Variants in GALNT17 observed in about 807,000 individuals in gnomAD.
GALNT17 encodes polypeptide N-acetylgalactosaminyltransferase 17, also known as UDP-GalNAc:polypeptide N-acetylgalactosaminyltransferase-like 3.
Under a neutral mutation model 63.7 loss-of-function variants are expected in GALNT17, and 29 were observed. That is an observed-to-expected ratio of 0.46 (90% confidence interval 0.34 to 0.62). GALNT17 has a LOEUF of 0.62. Ranked by LOEUF, GALNT17 falls within the 20% of genes least tolerant of loss-of-function variation. The pLI is 0.01. For missense variants in GALNT17, 603 were observed against 799.6 expected (o/e 0.75, Z 2.97); for synonymous variants, 305 against 318.3 (o/e 0.96, Z 0.45).
intron 1 of GALNT17, among the ~76,000 whole-genome samples, chr7:71,202,872 G>A (rs1384196591): frequency 6.6e-6 from 1 of 152,148 alleles, no homozygotes; most frequent in Non-Finnish European, 1.5e-5. Context: ...CGCAGTATTT[G>A]ACTTTCTGTA....
At chr7:71,206,933 G>A (rs980801711) in intron 1 of GALNT17, among the ~76,000 whole-genome samples, 1 of 151,900 alleles carries the variant, frequency 6.6e-6, no homozygotes, top group Non-Finnish European at 1.5e-5. Flanking sequence ...GTGAAACCCC[G>A]TCTTTACTAA....
chr7:71,347,311 G>C (rs772986483), intron 2 of GALNT17, among the ~76,000 whole-genome samples: 65 of 152,306 alleles, frequency 4.3e-4, no homozygotes, highest in Non-Finnish European at 7.4e-4. Context: ...CCTTGGGCAA[G>C]TTGCTTAACC....
chr7:71,462,794 G>A (rs1403128559), intron 5 of GALNT17, among the ~76,000 whole-genome samples: 1 of 152,192 alleles, frequency 6.6e-6, no homozygotes, highest in Non-Finnish European at 1.5e-5. Flanking sequence ...TCAGTGAGCA[G>A]AGAGATAACT....
chr7:71,313,709 TATTG>T (rs1791451994), intron 1 of GALNT17, among the ~76,000 whole-genome samples: 1 of 152,164 alleles, frequency 6.6e-6, no homozygotes. Flanking sequence ...ACAGAATGTG[TATTG>T]ATTGACTCAG....
At chr7:71,486,866 A>C (rs1261653785) in intron 5 of GALNT17, among the ~76,000 whole-genome samples, 7 of 151,690 alleles carry the variant, frequency 4.6e-5, no homozygotes, top group Admixed American at 4.6e-4. Context: ...CTGTCCAAAA[A>C]AAAAAAACAA....
At chr7:71,546,528 A>G (rs1026465065) in intron 5 of GALNT17, among the ~76,000 whole-genome samples, 3 of 152,148 alleles carry the variant, frequency 2.0e-5, no homozygotes, top group African/African-American at 4.8e-5. Flanking sequence ...TTATGATTAG[A>G]GTAGATTTTC....
rs141893603 is a variant in GALNT17 at position 71,453,424 on chromosome 7, C to T, written c.962+32319C>T. On this transcript the variant is annotated intron_variant, in intron 5 of 10. Transcript: ENST00000333538. Reference sequence around the variant, plus strand: ...CAATCATGGTGGAAGGGGAAAGGCACGTCTAACGTGGTGGTAGGCCAGAAA... The same window carrying T: ...CAATCATGGTGGAAGGGGAAAGGCATGTCTAACGTGGTGGTAGGCCAGAAA... Among the ~76,000 whole-genome samples the T allele has an allele frequency of 1.0e-3, 156 of 152,212 alleles. 1 individual carries two copies. The highest frequency in any genetic ancestry group is 3.4e-3 in the African/African-American group (143 of 41,554).
intron 5 of GALNT17, among the ~76,000 whole-genome samples, chr7:71,504,290 G>C (rs577486593): frequency 9.2e-5 from 14 of 152,066 alleles, no homozygotes; most frequent in African/African-American, 3.1e-4. Flanking sequence ...CTACTCTCGG[G>C]AGGCTGAGGC....
chr7:71,499,031 G>A (rs966536900), intron 5 of GALNT17, among the ~76,000 whole-genome samples: 1 of 152,168 alleles, frequency 6.6e-6, no homozygotes, highest in Non-Finnish European at 1.5e-5. Context: ...GGAATATTTT[G>A]TGAATCTCCA....
chr7:71,694,806 A>C (rs546179585), intron 9 of GALNT17, among the ~76,000 whole-genome samples: 1 of 152,316 alleles, frequency 6.6e-6, no homozygotes, highest in South Asian at 2.1e-4. Context: ...AGCAGGCCCC[A>C]GAGTCCAAGT....
chr7:71,605,778 C>T (rs1407833545), intron 6 of GALNT17, among the ~76,000 whole-genome samples: 1 of 152,122 alleles, frequency 6.6e-6, no homozygotes, highest in Non-Finnish European at 1.5e-5. Context: ...AGAGAGAATA[C>T]ATAGGAAACA....
At chr7:71,414,985 TTTTTTTTTTAAATGCC>T (rs1356115350) in intron 3 of GALNT17, among the ~76,000 whole-genome samples, 3 of 120,692 alleles carry the variant, frequency 2.5e-5, no homozygotes, top group Non-Finnish European at 4.9e-5. Flanking sequence ...AAGTATCACT[TTTTTTTTTTAAATGCC>T]TTTAGTTTTA....
At chr7:71,493,693 A>G (rs142746990) in intron 5 of GALNT17, among the ~76,000 whole-genome samples, 162 of 152,254 alleles carry the variant, frequency 1.1e-3, no homozygotes, top group African/African-American at 3.8e-3. Flanking sequence ...GAATGATGGG[A>G]GCTTCAATTC....
At chr7:71,442,667 C>T (rs1050730669) in intron 5 of GALNT17, among the ~76,000 whole-genome samples, 3 of 152,148 alleles carry the variant, frequency 2.0e-5, no homozygotes, top group Non-Finnish European at 2.9e-5. Flanking sequence ...CATTTTCTTC[C>T]GGAAGTGTAG....
chr7:71,140,905 C>T (rs1787876335), intron 1 of GALNT17, among the ~76,000 whole-genome samples: 1 of 152,076 alleles, frequency 6.6e-6, no homozygotes, highest in Admixed American at 6.6e-5. Flanking sequence ...CCCATGGTCC[C>T]AGCTACTCGA....
At chr7:71,489,188 C>T (rs1787964293) in intron 5 of GALNT17, among the ~76,000 whole-genome samples, 1 of 152,034 alleles carries the variant, frequency 6.6e-6, no homozygotes, top group Non-Finnish European at 1.5e-5. Flanking sequence ...GCCACTGCAC[C>T]CAACCAGGTT....
intron 1 of GALNT17, among the ~76,000 whole-genome samples, chr7:71,259,931 G>A (rs533526997): frequency 2.4e-4 from 36 of 152,194 alleles, no homozygotes; most frequent in African/African-American, 6.5e-4. Flanking sequence ...GTGAGCCACC[G>A]CACCCAGCCT....
At chr7:71,269,859 C>G (rs761267767) in intron 1 of GALNT17, among the ~76,000 whole-genome samples, 1 of 152,064 alleles carries the variant, frequency 6.6e-6, no homozygotes, top group African/African-American at 2.4e-5. Flanking sequence ...TTGCCTTTGT[C>G]CCCCACAGAT....
chr7:71,711,897 C>T, intron 10 of GALNT17, 121 bp from the exon 11 acceptor site: 1 of 1,125,846 alleles, frequency 8.9e-7, no homozygotes, highest in Admixed American at 2.5e-5. Context: ...TTTCTCTTCT[C>T]TTTTTCTTTT....
Sources: allele counts gnomAD v4.1 joint callset (sites outside exome capture counted in the v4.1 genomes callset), GRCh38; gene constraint gnomAD v4.1.1; transcripts MANE v1.5; gene names NCBI Gene and HGNC (gene_info 2026-07-23, HGNC 2026-07-21).